PGM5: variants seen among roughly 807,000 people sequenced by gnomAD.
The protein encoded by PGM5 is phosphoglucomutase 5, also known as phosphoglucomutase-like protein 5.
In PGM5, 23 loss-of-function variants were observed where a neutral mutation model predicts 59.2. The ratio of observed to expected loss-of-function variants is 0.39; its 90% CI spans 0.28 to 0.55. The LOEUF (loss-of-function observed/expected upper bound fraction) is 0.55, where lower values mean the gene tolerates loss of function less well. Ranked by LOEUF, PGM5 falls within the 20% of genes least tolerant of loss-of-function variation. The pLI, the probability that PGM5 is intolerant of heterozygous loss-of-function variation, is 0.66. For synonymous variants in PGM5, 214 were observed against 286.0 expected, an observed-to-expected ratio of 0.75 and a Z score of 2.54; for missense variants, 574 against 748.3, an observed-to-expected ratio of 0.77 and a Z score of 2.72.
chr9:68,366,702 A>T (rs1482216061), intron 1 of PGM5, among the ~76,000 whole-genome samples: 1 of 152,348 alleles, frequency 6.6e-6, no homozygotes, highest in African/African-American at 2.4e-5. Flanking sequence ...TGCAACTTAT[A>T]TGACCATGGG....
intron 10 of PGM5, among the ~76,000 whole-genome samples, chr9:68,500,686 A>G (rs1388517378): frequency 6.6e-6 from 1 of 151,814 alleles, no homozygotes. Context: ...TCTACATCTC[A>G]TGTTGGGGAG....
At chr9:68,376,882 C>CT (rs1199407064) in intron 1 of PGM5, among the ~76,000 whole-genome samples, 5 of 101,858 alleles carry the variant, frequency 4.9e-5, no homozygotes, top group Non-Finnish European at 1.0e-4. Flanking sequence ...CTCTTTCTTT[C>CT]TTTTTTTCTT....
chr9:68,365,990 A>G (rs1354468452), intron 1 of PGM5, among the ~76,000 whole-genome samples: 9 of 152,220 alleles, frequency 5.9e-5, no homozygotes, highest in African/African-American at 2.2e-4. Flanking sequence ...AACCTTATTA[A>G]TAACCAGAGA....
chr9:68,410,759 G>A (rs1347083116), intron 6 of PGM5, among the ~76,000 whole-genome samples: 2 of 152,184 alleles, frequency 1.3e-5, no homozygotes, highest in South Asian at 2.1e-4. Context: ...CAAAGATTGG[G>A]AACAAGGTTT....
At chr9:68,399,677 G>T (rs1202976311) in intron 6 of PGM5, among the ~76,000 whole-genome samples, 8 of 151,210 alleles carry the variant, frequency 5.3e-5, no homozygotes, top group African/African-American at 1.7e-4. Context: ...TTAGTCTGAT[G>T]AATTTGCGGA....
intron 9 of PGM5, among the ~76,000 whole-genome samples, 178 bp downstream of exon 9, chr9:68,484,226 G>A (rs1390437636): frequency 1.3e-5 from 2 of 151,982 alleles, no homozygotes; most frequent in Non-Finnish European, 2.9e-5. Context: ...AGTGCACAGG[G>A]TAGATTAGAA....
intron 6 of PGM5, among the ~76,000 whole-genome samples, chr9:68,431,436 G>A (rs181167890): frequency 2.0e-4 from 30 of 152,314 alleles, no homozygotes; most frequent in African/African-American, 6.5e-4. Context: ...GGTTCAGAGT[G>A]AGGCTGCAAA....
At chr9:68,528,056 C>T (rs1401704077) in intron 10 of PGM5, among the ~76,000 whole-genome samples, 1 of 152,110 alleles carries the variant, frequency 6.6e-6, no homozygotes, top group Non-Finnish European at 1.5e-5. Context: ...GGAATGTGTG[C>T]ACTCCCTTTA....
chr9:68,451,291 G>T (rs1410476449), intron 6 of PGM5, among the ~76,000 whole-genome samples: 2 of 152,182 alleles, frequency 1.3e-5, no homozygotes, highest in Non-Finnish European at 2.9e-5. Flanking sequence ...ACCACATGTT[G>T]TCACTTTATT....
chr9:68,376,813 C>CTTTCTTTG lies in PGM5; in HGVS notation c.262-1379_262-1378insGTTTCTTT, dbSNP rs1554677759. Among the ~76,000 whole-genome samples, 43 of 107,820 alleles carry CTTTCTTTG rather than the reference C, an allele frequency of 4.0e-4. 1 individual carries two copies. The highest frequency in any genetic ancestry group is 1.7e-3 in the African/African-American group (43 of 24,818). The allele number at this position is 107,820 out of a possible 152,430, so 70.7% of individuals were successfully genotyped here. ...TCTTTCTTTCTTTCTTTCTTTCTTT[C>CTTTCTTTG]TTTCTTTCTTTCTTTCTTTCTCTTT... On this transcript the variant is annotated intron_variant, in intron 1 of 10. Coordinates refer to ENST00000396396, the MANE Select transcript of PGM5 (RefSeq NM_021965.4).
intron 8 of PGM5, 119 bp downstream of exon 8, chr9:68,479,672 C>T (rs545731159): frequency 9.5e-6 from 9 of 944,384 alleles, no homozygotes; most frequent in Admixed American, 8.6e-5. Context: ...CGGTGGCTCA[C>T]GCCTGTAATC....
At chr9:68,514,467 T>C (rs1281378428) in intron 10 of PGM5, among the ~76,000 whole-genome samples, 1 of 151,932 alleles carries the variant, frequency 6.6e-6, no homozygotes, top group Non-Finnish European at 1.5e-5. Context: ...CTGGGCATGG[T>C]GGCAGGTGCC....
At chr9:68,465,937 C>G (rs1783610746) in intron 7 of PGM5, among the ~76,000 whole-genome samples, 1 of 152,046 alleles carries the variant, frequency 6.6e-6, no homozygotes, top group Admixed American at 6.6e-5. Flanking sequence ...GTATTTAACC[C>G]TATGTGGGAT....
At chr9:68,510,591 A>G (rs1824734114) in intron 10 of PGM5, among the ~76,000 whole-genome samples, 1 of 152,190 alleles carries the variant, frequency 6.6e-6, no homozygotes, top group African/African-American at 2.4e-5. Flanking sequence ...TAATTCATAT[A>G]TGTAAAGAGT....
chr9:68,454,822 T>C (rs1235974552), intron 6 of PGM5, among the ~76,000 whole-genome samples: 1 of 152,206 alleles, frequency 6.6e-6, no homozygotes, highest in Non-Finnish European at 1.5e-5. Context: ...TAGCTTTTGC[T>C]GTAAAACTCT....
intron 10 of PGM5, among the ~76,000 whole-genome samples, chr9:68,505,139 T>C (rs1824634411): frequency 6.6e-6 from 1 of 152,228 alleles, no homozygotes; most frequent in South Asian, 2.1e-4. Flanking sequence ...TTCAGATTCA[T>C]GGAGTAGGTA....
intron 1 of PGM5, among the ~76,000 whole-genome samples, chr9:68,372,249 C>G (rs545581241): frequency 6.9e-6 from 1 of 145,370 alleles, no homozygotes; most frequent in Non-Finnish European, 1.5e-5. Context: ...CATGGCCACA[C>G]TCTGTAGATG....
intron 7 of PGM5, among the ~76,000 whole-genome samples, chr9:68,475,255 A>T (rs1417771984): frequency 2.8e-5 from 4 of 145,128 alleles, no homozygotes; most frequent in Non-Finnish European, 5.9e-5. Flanking sequence ...GGCTGGTCTC[A>T]AACTCCTGAC....
chr9:68,426,814 A>G (rs1554682729), intron 6 of PGM5: 1 of 152,204 alleles, frequency 6.6e-6, no homozygotes, highest in Non-Finnish European at 1.5e-5. Flanking sequence ...TTCAGAATCT[A>G]CATTTGGTGG....
Sources: gnomAD v4.1 joint callset for allele counts (sites outside exome capture counted in the v4.1 genomes callset) on GRCh38, gnomAD v4.1.1 for gene constraint, MANE v1.5 for transcripts, NCBI Gene and HGNC (gene_info 2026-07-23, HGNC 2026-07-21) for gene names.